DISC1: variants seen among roughly 807,000 people sequenced by gnomAD.
The protein encoded by DISC1 is DISC1 scaffold protein.
A neutral mutation model predicts 84.5 loss-of-function variants in DISC1; 57 were observed. That is an observed-to-expected ratio of 0.67 (90% CI 0.55 to 0.84). The LOEUF (loss-of-function observed/expected upper bound fraction) is 0.84, where lower values mean the gene tolerates loss of function less well. Among genes scored for constraint, DISC1 ranks in the 40% least tolerant of loss-of-function variants. The pLI is 0.00. For missense variants in DISC1, 1,000 were observed against 1,057.8 expected (o/e 0.95, Z 0.76); for synonymous variants, 411 against 415.2 (o/e 0.99, Z 0.12).
chr1:231,798,371 T>A (rs564739548), intron 7 of DISC1, among the ~76,000 whole-genome samples: 1 of 152,204 alleles, frequency 6.6e-6, no homozygotes, highest in South Asian at 2.1e-4. Flanking sequence ...ATAAGAAGAT[T>A]CAGAAAGGTT....
chr1:232,027,338 A>G (rs926798466), intron 12 of DISC1, among the ~76,000 whole-genome samples: 2 of 152,242 alleles, frequency 1.3e-5, no homozygotes, highest in African/African-American at 4.8e-5. Flanking sequence ...CTAACCATAT[A>G]CACATGGTTG....
chr1:231,783,862 G>T (rs2077620657), intron 6 of DISC1, among the ~76,000 whole-genome samples: 3 of 152,190 alleles, frequency 2.0e-5, no homozygotes. Flanking sequence ...TCCAAGAAAA[G>T]ATCAGAAATC....
chr1:231,638,898 T>C (rs2059403405), intron 1 of DISC1, among the ~76,000 whole-genome samples: 1 of 152,184 alleles, frequency 6.6e-6, no homozygotes, highest in African/African-American at 2.4e-5. Context: ...AGAAATCCAC[T>C]GTTTTGGGTA....
At chr1:231,941,992 C>G (rs2091371568) in intron 9 of DISC1, among the ~76,000 whole-genome samples, 1 of 151,898 alleles carries the variant, frequency 6.6e-6, no homozygotes, top group African/African-American at 2.4e-5. Flanking sequence ...GCGTGCCAGA[C>G]AGAGGATGGG....
At chr1:231,990,523 G>C (rs1665067326) in intron 10 of DISC1, among the ~76,000 whole-genome samples, 1 of 152,140 alleles carries the variant, frequency 6.6e-6, no homozygotes, top group Non-Finnish European at 1.5e-5. Context: ...TCATACTGTT[G>C]TCAAATTCCT....
intron 9 of DISC1, among the ~76,000 whole-genome samples, chr1:231,898,332 C>T (rs1237000974): frequency 6.6e-6 from 1 of 152,122 alleles, no homozygotes; most frequent in Admixed American, 6.5e-5. Context: ...TCAGAAGGAA[C>T]TCAGGGGTGG....
chr1:231,871,060 G>C (rs889189378), intron 9 of DISC1, among the ~76,000 whole-genome samples: 1 of 152,114 alleles, frequency 6.6e-6, no homozygotes, highest in Non-Finnish European at 1.5e-5. Flanking sequence ...GTGTGGAATA[G>C]GGCAGATACT....
chr1:231,650,479 C>G (rs1420348919), intron 1 of DISC1, among the ~76,000 whole-genome samples: 1 of 152,240 alleles, frequency 6.6e-6, no homozygotes, highest in African/African-American at 2.4e-5. Flanking sequence ...ACCTTTCTCT[C>G]TGGCTGCACT....
At position 231,675,851 on chromosome 1, in the gene DISC1, CTTTTTTT is replaced by C. The variant is rs201559788; in HGVS notation, c.68-17965_68-17959del. Among the ~76,000 whole-genome samples the C allele has an allele frequency of 2.9e-5, 4 of 137,670 alleles. No individual in the cohort carries two copies. Among genetic ancestry groups the C allele is most frequent in the African/African-American group, 1.1e-4 (4 of 37,404 alleles). The allele number at this position is 137,670 out of a possible 152,430, so 90.3% of individuals were successfully genotyped here. ...GTATATTGTATTTGTTTTTTCTTTT[CTTTTTTT>C]TTTTTTTTTGACACAGAATTCCCAC... On this transcript the variant is annotated intron_variant, in intron 1 of 12. Transcript: ENST00000439617. The surrounding 1 kb of genome is among the most constrained non-coding windows in gnomAD (Gnocchi z 4.1).
intron 9 of DISC1, among the ~76,000 whole-genome samples, chr1:231,919,440 C>T (rs921396332): frequency 3.3e-5 from 5 of 152,180 alleles, no homozygotes; most frequent in African/African-American, 4.8e-5. Context: ...GTCAAATGGG[C>T]GTAGCTGAGT....
intron 1 of DISC1, among the ~76,000 whole-genome samples, chr1:231,659,714 T>G (rs2061418603): frequency 6.6e-6 from 1 of 152,254 alleles, no homozygotes. Context: ...TATTGATTTC[T>G]GCCTTAATTT....
chr1:231,714,247 A>G (rs1444554461), intron 3 of DISC1, among the ~76,000 whole-genome samples: 2 of 152,228 alleles, frequency 1.3e-5, no homozygotes, highest in Non-Finnish European at 2.9e-5. Context: ...ACATGTAAAT[A>G]GAGTTTACAC....
intron 9 of DISC1, among the ~76,000 whole-genome samples, chr1:231,916,430 G>A (rs1346164727): frequency 8.6e-5 from 13 of 152,000 alleles, no homozygotes; most frequent in African/African-American, 2.4e-4. Context: ...CGAGGCGGGC[G>A]GATCACGAGG....
At chr1:231,632,228 A>G (rs747499298) in intron 1 of DISC1, among the ~76,000 whole-genome samples, 4 of 152,190 alleles carry the variant, frequency 2.6e-5, no homozygotes, top group Non-Finnish European at 5.9e-5. Context: ...ACCTAATGAC[A>G]CATTTCTCAG....
intron 4 of DISC1, 89 bp downstream of exon 4, chr1:231,750,165 T>G: frequency 6.6e-7 from 1 of 1,519,098 alleles, no homozygotes; most frequent in South Asian, 1.3e-5. Flanking sequence ...GGAGCTTAGC[T>G]GTAGAGACCC....
chr1:231,771,439 C>T (rs1433943116), intron 6 of DISC1: 2 of 985,260 alleles, frequency 2.0e-6, no homozygotes, highest in Non-Finnish European at 1.2e-6. Flanking sequence ...ATGAACTATG[C>T]CTCTCACTAA....
Position 231,958,843 on chromosome 1 carries a change from A to G in DISC1, c.1997A>G (p.Glu666Gly), listed in dbSNP as rs1659991114. 6.2e-7 allele frequency: 1 copy of G among 1,613,694 alleles called. No homozygotes were observed. Among genetic ancestry groups the G allele is most frequent in the African/African-American group, 1.3e-5 (1 of 74,930 alleles). The change falls in exon 10 of 13, where the codon GAA becomes GGA. Residue 666 changes from glutamate to glycine, a missense_variant. Glu to Gly is a moderately conservative substitution (Grantham distance 98). Coordinates refer to ENST00000439617, the MANE Select transcript of DISC1 (RefSeq NM_018662.3). ...QETAYETSVK[E>G]NTMKYMETLK... Reference sequence around the variant, plus strand: ...TTTCCCCCAGAAACAAGTGTGAAGGAAAATACTATGAAGTACATGGAAACA... The same window carrying G: ...TTTCCCCCAGAAACAAGTGTGAAGGGAAATACTATGAAGTACATGGAAACA...
chr1:231,963,503 G>T (rs1660674681), intron 10 of DISC1, among the ~76,000 whole-genome samples: 1 of 151,846 alleles, frequency 6.6e-6, no homozygotes, highest in East Asian at 1.9e-4. Flanking sequence ...CTCTGCATGT[G>T]CCCTGGTGGG....
chr1:231,870,596 C>T (rs900124403), intron 9 of DISC1, among the ~76,000 whole-genome samples: 3 of 152,176 alleles, frequency 2.0e-5, no homozygotes, highest in Admixed American at 6.5e-5. Flanking sequence ...TTCCATAAGG[C>T]TTCAGCTTGA....
Sources: gnomAD v4.1 joint callset for allele counts (sites outside exome capture counted in the v4.1 genomes callset) on GRCh38, gnomAD v4.1.1 for gene constraint, Gnocchi (gnomAD v3.1) non-coding constraint, MANE v1.5 for transcripts, NCBI Gene and HGNC (gene_info 2026-07-23, HGNC 2026-07-21) for gene names.